The following GP2 variants were observed in gnomAD, a reference collection of about 807,000 sequenced individuals.
The protein encoded by GP2 is pancreatic secretory granule membrane major glycoprotein GP2.
In GP2, 58 loss-of-function variants were observed where a neutral mutation model predicts 60.8. That is an observed-to-expected ratio of 0.95 (90% CI 0.77 to 1.19). The LOEUF (loss-of-function observed/expected upper bound fraction) is 1.19. Ranked by LOEUF, GP2 falls within the 50% of genes most tolerant of loss-of-function variation. The pLI is 0.00. For missense variants in GP2, 647 were observed against 667.4 expected, an observed-to-expected ratio of 0.97 and a Z score of 0.34; for synonymous variants, 280 against 253.4, an observed-to-expected ratio of 1.10 and a Z score of -1.00.
At position 20,310,492 on chromosome 16, in the gene GP2, A is replaced by G. The variant is rs1963964865; in HGVS notation, c.*731T>C. On this transcript the variant is annotated 3_prime_UTR_variant, in exon 11 of 11. Transcript: ENST00000302555. Reference sequence around the variant, plus strand: ...GAAACAATCAGAGGAAGCAGAGTGAACACAAGGGTCAGTTTCTTCAATTCA... The same window carrying G: ...GAAACAATCAGAGGAAGCAGAGTGAGCACAAGGGTCAGTTTCTTCAATTCA... The G allele has an allele frequency of 1.3e-5, 2 of 152,228 alleles. No homozygotes were observed. The highest frequency in any genetic ancestry group is 1.3e-4 in the Admixed American group (2 of 15,270). The allele number at this position is 152,228 out of a possible 1,614,324, so 9.4% of individuals were successfully genotyped here. A position where few individuals can be genotyped will look rare whatever the true frequency, so the allele number is the denominator to read the frequency against.
chr16:20,325,764 T>G (rs1444288581), intron 2 of GP2, among the ~76,000 whole-genome samples: 2 of 152,234 alleles, frequency 1.3e-5, no homozygotes, highest in African/African-American at 4.8e-5. Flanking sequence ...GAAGGGCCTT[T>G]CAGAAAAAAA....
rs1198319026 is a variant in GP2 at position 20,323,839 on chromosome 16, C to A, written c.512G>T (p.Trp171Leu). Residue 171 changes from tryptophan to leucine, a missense_variant, in exon 3 of 11, where the codon TGG becomes TTG. Coordinates refer to ENST00000302555, the MANE Select transcript of GP2 (RefSeq NM_001502.4). ...ACCTGTGCAGTATCTCAGATTACAC[C>A]AGGGAGTGCCTTCCAACCGGTACAC... The part of the protein sequence containing the change: ...YHVYRLEGTP[W>L]CNLRYCTDPS... 6.2e-7 allele frequency: 1 copy of A among 1,612,408 alleles called. No individual in the cohort carries two copies. Among genetic ancestry groups the A allele is most frequent in the Non-Finnish European group, 8.5e-7 (1 of 1,179,166 alleles).
intron 2 of GP2, among the ~76,000 whole-genome samples, chr16:20,325,007 G>T (rs780293816): frequency 6.6e-6 from 1 of 152,218 alleles, no homozygotes; most frequent in Non-Finnish European, 1.5e-5. Flanking sequence ...TTCTTGGGGG[G>T]CATCGCCCCC....
At chr16:20,316,864 C>T (rs1462586120) in intron 8 of GP2, among the ~76,000 whole-genome samples, 1 of 151,310 alleles carries the variant, frequency 6.6e-6, no homozygotes, top group Admixed American at 6.6e-5. Flanking sequence ...TTTCCTCCTC[C>T]ATCACTCCTG....
At chr16:20,321,895 C>T (rs1242953074) in intron 4 of GP2, among the ~76,000 whole-genome samples, 1 of 152,172 alleles carries the variant, frequency 6.6e-6, no homozygotes, top group Non-Finnish European at 1.5e-5. Flanking sequence ...GTCCTTGGAG[C>T]CCATCCAGGT....
intron 10 of GP2, among the ~76,000 whole-genome samples, chr16:20,311,506 C>G (rs777818334): frequency 1.2e-4 from 19 of 152,132 alleles, no homozygotes; most frequent in Non-Finnish European, 2.6e-4. Context: ...TCCCAGTGTC[C>G]TTTGCAACTA....
intron 1 of GP2, 58 bp from the exon 2 acceptor site, chr16:20,326,525 A>G (rs1310536533): frequency 7.2e-7 from 1 of 1,384,722 alleles, no homozygotes; most frequent in Non-Finnish European, 9.9e-7. Flanking sequence ...TCTTAGAAAC[A>G]GATCCGTTGA....
intron 4 of GP2, among the ~76,000 whole-genome samples, chr16:20,320,838 T>C (rs941585858): frequency 1.3e-5 from 2 of 152,194 alleles, no homozygotes; most frequent in African/African-American, 4.8e-5. Context: ...TAACTCAACA[T>C]TTATTCAACA....
intron 4 of GP2, among the ~76,000 whole-genome samples, chr16:20,321,725 C>A (rs1237552066): frequency 2.0e-5 from 3 of 152,044 alleles, no homozygotes; most frequent in Non-Finnish European, 4.4e-5. Context: ...GGCGCAGGAA[C>A]CTAAAATGAG....
chr16:20,326,605 GT>G (rs1252444816), intron 1 of GP2, 138 bp from the exon 2 acceptor site: 1 of 691,080 alleles, frequency 1.4e-6, no homozygotes, highest in African/African-American at 1.8e-5. Flanking sequence ...GAGATAATGG[GT>G]GATAAAATTG....
At chr16:20,315,447 A>G (rs1034193014) in intron 9 of GP2, among the ~76,000 whole-genome samples, 4 of 152,126 alleles carry the variant, frequency 2.6e-5, no homozygotes, top group Non-Finnish European at 5.9e-5. Flanking sequence ...CCTATATTAT[A>G]CTCCAGAATA....
intron 5 of GP2, 66 bp downstream of exon 5, chr16:20,320,196 C>G: frequency 8.5e-7 from 1 of 1,171,780 alleles, no homozygotes; most frequent in South Asian, 1.2e-5. Flanking sequence ...GATCTCAGAG[C>G]TACTATGATA....
Position 20,319,697 on chromosome 16 carries a change from G to C in GP2, c.930C>G (p.Ile310Met). ...LVNDFIIRDT[I>M]LNINFQCAYP... is the part of the protein sequence containing the mutation. Reference sequence around the variant, plus strand: ...AGGCACATTGGAAGTTGATGTTGAGGATGGTGTCTCTGATGATGAAATCAT... The same window carrying C: ...AGGCACATTGGAAGTTGATGTTGAGCATGGTGTCTCTGATGATGAAATCAT... The change falls in exon 6 of 11, where the codon ATC (isoleucine) becomes ATG (methionine). Residue 310 changes from isoleucine to methionine, a missense_variant. Transcript: ENST00000302555. 6.2e-7 allele frequency: 1 copy of C among 1,607,432 alleles called. No individual in the cohort carries two copies. The highest frequency in any genetic ancestry group is 8.5e-7 in the Non-Finnish European group (1 of 1,173,878).
At position 20,322,808 on chromosome 16, in the gene GP2, G is replaced by T; in HGVS notation, c.646+61C>A. Reference sequence around the variant, plus strand: ...TTATACCTTATCTTGACCCTCTAAAGCTCCCTCCCTCCTGCCCTGCCCCCT... The same window carrying T: ...TTATACCTTATCTTGACCCTCTAAATCTCCCTCCCTCCTGCCCTGCCCCCT... On this transcript the variant is annotated intron_variant, in intron 4 of 10. Coordinates refer to ENST00000302555, the MANE Select transcript of GP2 (RefSeq NM_001502.4). 1.1e-5 allele frequency: 10 copies of T among 906,210 alleles called. No individual in the cohort carries two copies. In the South Asian group the frequency reaches 1.1e-4, roughly 10 times the overall value. 56.1% of individuals were successfully genotyped at this position (906,210 alleles called of 1,614,324 possible).
At chr16:20,321,292 C>T (rs1596525394) in intron 4 of GP2, among the ~76,000 whole-genome samples, 2 of 152,240 alleles carry the variant, frequency 1.3e-5, no homozygotes, top group Non-Finnish European at 1.5e-5. Flanking sequence ...AAACTCCTGA[C>T]CTCAAGCGAT....
chr16:20,312,656 C>CTT (rs200478553), intron 10 of GP2, among the ~76,000 whole-genome samples: 95 of 144,504 alleles, frequency 6.6e-4, no homozygotes, highest in African/African-American at 2.1e-3. Flanking sequence ...CTTCAAGCTG[C>CTT]TTTTTTTTTT....
At chr16:20,311,534 G>A (rs528678559) in intron 10 of GP2, among the ~76,000 whole-genome samples, 16 of 152,278 alleles carry the variant, frequency 1.1e-4, no homozygotes, top group East Asian at 5.8e-4. Context: ...CCATGTGACC[G>A]AATCTGGTCA....
chr16:20,325,028 C>A (rs1212759618), intron 2 of GP2, among the ~76,000 whole-genome samples: 1 of 152,240 alleles, frequency 6.6e-6, no homozygotes, highest in African/African-American at 2.4e-5. Context: ...AGTTGAGAAC[C>A]ACTGATCTAA....
rs749224172 is a variant in GP2 at position 20,327,471 on chromosome 16, G to C, written c.-41C>G. 12 of 1,288,158 alleles carry C rather than the reference G, an allele frequency of 9.3e-6. No homozygotes were observed. The highest frequency in any genetic ancestry group is 1.2e-5 in the South Asian group (1 of 80,942). The allele number at this position is 1,288,158 out of a possible 1,614,324, so 79.8% of individuals were successfully genotyped here. On this transcript the variant is annotated 5_prime_UTR_variant, in exon 1 of 11. The change creates a new upstream start codon in the 5' untranslated region. Coordinates refer to ENST00000302555, the MANE Select transcript of GP2 (RefSeq NM_001502.4). ...GGGGCTTAAAGCAGGACTTACCTCC[G>C]ATGAGAACACAAAGCGTTCCTCCTC...
Sources: allele counts gnomAD v4.1 joint callset (sites outside exome capture counted in the v4.1 genomes callset), GRCh38; gene constraint gnomAD v4.1.1; transcripts MANE v1.5; gene names NCBI Gene and HGNC (gene_info 2026-07-23, HGNC 2026-07-21).